The following SUPT3H variants were observed in gnomAD, a reference collection of about 807,000 sequenced individuals.
SUPT3H encodes the protein SPT3 homolog, SAGA and STAGA complex component.
Under a neutral mutation model 44.3 loss-of-function variants are expected in SUPT3H, and 44 were observed. That is an observed-to-expected ratio of 0.99 (90% confidence interval 0.78 to 1.28). The LOEUF is 1.28. Among genes scored for constraint, SUPT3H ranks in the 50% most tolerant of loss-of-function variants. The pLI, the probability that SUPT3H is intolerant of heterozygous loss-of-function variation, is 0.00. For synonymous variants in SUPT3H, 124 were observed against 125.6 expected, an observed-to-expected ratio of 0.99 and a Z score of 0.09; for missense variants, 380 against 387.1, an observed-to-expected ratio of 0.98 and a Z score of 0.15.
intron 2 of SUPT3H, among the ~76,000 whole-genome samples, chr6:45,173,624 T>C (rs1748235): frequency 0.62 from 94,953 of 152,046 alleles, 30,385 homozygotes; most frequent in African/African-American, 0.78. Flanking sequence ...AGTTTGATTA[T>C]TTCTAATGGT....
At chr6:45,078,325 T>C (rs1237227802) in intron 3 of SUPT3H, among the ~76,000 whole-genome samples, 1 of 152,258 alleles carries the variant, frequency 6.6e-6, no homozygotes, top group African/African-American at 2.4e-5. Flanking sequence ...ACACAATTTA[T>C]ATTTCTGTGG....
chr6:44,867,933 T>C (rs909994296), intron 10 of SUPT3H, among the ~76,000 whole-genome samples: 1 of 150,996 alleles, frequency 6.6e-6, no homozygotes, highest in Non-Finnish European at 1.5e-5. Context: ...TCTTTTTCTA[T>C]CCCCCATCCC....
At chr6:45,078,998 A>G (rs11968042) in intron 3 of SUPT3H, among the ~76,000 whole-genome samples, 54,061 of 152,026 alleles carry the variant, frequency 0.36, 10,451 homozygotes, top group Non-Finnish European at 0.43. Flanking sequence ...CATACTTGGG[A>G]AGTTTTCAGC....
At chr6:44,922,620 T>C (rs1276211697) in intron 10 of SUPT3H, among the ~76,000 whole-genome samples, 4 of 152,190 alleles carry the variant, frequency 2.6e-5, no homozygotes, top group African/African-American at 7.2e-5. Context: ...TTTCTGGCAA[T>C]AGTAAATAAA....
chr6:45,043,242 A>G (rs1333371182), intron 3 of SUPT3H, among the ~76,000 whole-genome samples: 4 of 152,210 alleles, frequency 2.6e-5, no homozygotes, highest in Non-Finnish European at 1.5e-5. Flanking sequence ...ATTAACACCT[A>G]TTTAATTTTG....
At chr6:45,075,436 C>T (rs932623318) in intron 3 of SUPT3H, among the ~76,000 whole-genome samples, 5 of 152,088 alleles carry the variant, frequency 3.3e-5, no homozygotes, top group Admixed American at 3.3e-4. Context: ...TCCAACACAA[C>T]AGTATTAATC....
At chr6:44,955,442 T>G (rs1333596656) in intron 7 of SUPT3H, 1 of 152,396 alleles carries the variant, frequency 6.6e-6, no homozygotes, top group African/African-American at 2.4e-5. Context: ...GGGTGAGGCC[T>G]GCGGCTGCTG....
At chr6:44,950,224 C>T (rs1251509931) in intron 9 of SUPT3H, among the ~76,000 whole-genome samples, 1 of 152,194 alleles carries the variant, frequency 6.6e-6, no homozygotes, top group Non-Finnish European at 1.5e-5. Context: ...CACCTGCCCC[C>T]TTTCCCATTA....
intron 2 of SUPT3H, among the ~76,000 whole-genome samples, chr6:45,342,788 T>C (rs17209755): frequency 0.094 from 14,302 of 152,192 alleles, 844 homozygotes; most frequent in Middle Eastern, 0.15. Context: ...AAAAAATACA[T>C]ATGAAGAACA....
chr6:45,361,126 A>G (rs1794179778), intron 2 of SUPT3H, among the ~76,000 whole-genome samples: 1 of 152,166 alleles, frequency 6.6e-6, no homozygotes, highest in Non-Finnish European at 1.5e-5. Context: ...GTAATTTTTT[A>G]AAATGCAAAA....
chr6:45,086,119 T>C (rs900793053), intron 3 of SUPT3H, among the ~76,000 whole-genome samples: 1 of 152,028 alleles, frequency 6.6e-6, no homozygotes, highest in Non-Finnish European at 1.5e-5. Flanking sequence ...AATTAAAGGC[T>C]CAATCTTAGC....
chr6:45,160,673 A>C (rs149541909), intron 2 of SUPT3H, among the ~76,000 whole-genome samples: 6 of 152,178 alleles, frequency 3.9e-5, no homozygotes, highest in African/African-American at 1.2e-4. Flanking sequence ...AAAAAAGTAA[A>C]GTACAAAGGA....
intron 2 of SUPT3H, among the ~76,000 whole-genome samples, chr6:45,317,146 G>C (rs950785218): frequency 1.4e-5 from 2 of 147,190 alleles, no homozygotes; most frequent in East Asian, 4.2e-4. Flanking sequence ...AGGATCACTT[G>C]AGCCTGGGAG....
intron 9 of SUPT3H, among the ~76,000 whole-genome samples, chr6:44,947,271 T>A (rs1372869948): frequency 2.6e-5 from 4 of 152,096 alleles, no homozygotes; most frequent in East Asian, 1.9e-4. Context: ...ACCTGCAATA[T>A]CTCTGAAGTA....
At chr6:45,162,649 C>G (rs767094362) in intron 2 of SUPT3H, among the ~76,000 whole-genome samples, 12 of 152,102 alleles carry the variant, frequency 7.9e-5, no homozygotes, top group South Asian at 2.1e-4. Flanking sequence ...CGGTACCTAA[C>G]CTTAAAGTGT....
chr6:45,245,628 A>G (rs2059401999), intron 2 of SUPT3H, among the ~76,000 whole-genome samples: 1 of 152,176 alleles, frequency 6.6e-6, no homozygotes, highest in Admixed American at 6.5e-5. Context: ...ATTCCTTTGT[A>G]AAACTAAATA....
chr6:45,122,038 C>CAA lies in SUPT3H; in HGVS notation c.102-16034_102-16033dup, dbSNP rs11437930. Among the ~76,000 whole-genome samples the CAA allele has an allele frequency of 3.8e-3, 560 of 147,496 alleles. 1 individual carries two copies. The highest frequency in any genetic ancestry group is 5.2e-3 in the Non-Finnish European group (346 of 66,466). On this transcript the variant is annotated intron_variant, in intron 2 of 10. Coordinates refer to ENST00000371459, the MANE Select transcript of SUPT3H (RefSeq NM_003599.4). ...GTGAAAGATATCTTTCATTTAAAAA[C>CAA]AAAAAAAAAAGAAAAATTAAAAATG...
At chr6:45,226,338 A>AGT (rs751370822) in intron 2 of SUPT3H, among the ~76,000 whole-genome samples, 114 of 151,780 alleles carry the variant, frequency 7.5e-4, no homozygotes, top group Non-Finnish European at 1.2e-3. Flanking sequence ...TGTATGTTTG[A>AGT]GTGTGTGTGT....
chr6:45,376,596 C>T (rs1428846890), intron 1 of SUPT3H, among the ~76,000 whole-genome samples: 1 of 152,250 alleles, frequency 6.6e-6, no homozygotes, highest in African/African-American at 2.4e-5. Context: ...CAGCCCTAGA[C>T]TTAGGCATAC....
Sources: allele counts gnomAD v4.1 joint callset (sites outside exome capture counted in the v4.1 genomes callset), GRCh38; gene constraint gnomAD v4.1.1; transcripts MANE v1.5; gene names NCBI Gene and HGNC (gene_info 2026-07-23, HGNC 2026-07-21).